Variants in TEK observed in about 807,000 individuals in gnomAD.
The protein encoded by TEK is angiopoietin-1 receptor.
A neutral mutation model predicts 131.8 loss-of-function variants in TEK; 43 were observed. That is an observed-to-expected ratio of 0.33 (90% confidence interval 0.26 to 0.42). The LOEUF (loss-of-function observed/expected upper bound fraction) is 0.42. Among genes scored for constraint, TEK ranks in the 10% least tolerant of loss-of-function variants. TEK has a pLI of 1.00. For synonymous variants in TEK, 580 were observed against 491.6 expected (o/e 1.18, Z -2.38); for missense variants, 1,162 against 1,384.4 (o/e 0.84, Z 2.55).
At chr9:27,229,057 G>A (rs181118242) in intron 22 of TEK, 101 bp from the exon 23 acceptor site, 2 of 953,328 alleles carry the variant, frequency 2.1e-6, no homozygotes, top group Non-Finnish European at 3.4e-6. Context: ...CTTAGTATAT[G>A]AGTTGCAACA....
At chr9:27,109,759 G>A in intron 1 of TEK, 117 bp downstream of exon 1, 2 of 979,974 alleles carry the variant, frequency 2.0e-6, no homozygotes, top group Admixed American at 2.0e-5. Context: ...TGTAGCAAAG[G>A]CACCATTTCT....
At chr9:27,189,182 A>G (rs777853642) in intron 9 of TEK, among the ~76,000 whole-genome samples, 1 of 152,300 alleles carries the variant, frequency 6.6e-6, no homozygotes, top group Admixed American at 6.5e-5. Flanking sequence ...TATAGAGCTC[A>G]TTGGAAATTC....
In TEK at chr9:27,197,616, G is replaced by A; in HGVS notation, c.1909+17G>A. The A allele has an allele frequency of 6.2e-7, 1 of 1,613,526 alleles. No individual in the cohort carries two copies. The highest frequency in any genetic ancestry group is 8.5e-7 in the Non-Finnish European group (1 of 1,179,834). Reference sequence around the variant, plus strand: ...TTAGTGACAGTAAGTAATTCATGCTGCTCCAGCCTCATCTGAGCAATAAGG... The same window carrying A: ...TTAGTGACAGTAAGTAATTCATGCTACTCCAGCCTCATCTGAGCAATAAGG... On this transcript the variant is annotated intron_variant, in intron 12 of 22. Transcript: ENST00000380036.
rs201671300 is a variant in TEK, at chr9:27,219,038, TTATTATA to T, written c.3103+227_3103+233del. On this transcript the variant is annotated intron_variant, in intron 20 of 22. Coordinates refer to ENST00000380036, the MANE Select transcript of TEK (RefSeq NM_000459.5). ...ACTAATGACCTGGAGGCCATGAACT[TTATTATA>T]TATTAATTGGCTCCGCTTGTACAAG... is the stretch of plus-strand genomic sequence containing the variant. 8.2e-3 allele frequency among the ~76,000 whole-genome samples: 1,255 copies of T among 152,284 alleles called. 7 individuals carry two copies. Among genetic ancestry groups the T allele is most frequent in the African/African-American group, 0.015 (619 of 41,558 alleles).
intron 1 of TEK, among the ~76,000 whole-genome samples, chr9:27,129,243 T>C (rs180785151): frequency 2.2e-3 from 336 of 152,336 alleles, no homozygotes; most frequent in African/African-American, 7.7e-3. Context: ...TCGTGGTTTT[T>C]GTCATTCTGT....
At chr9:27,195,823 C>T (rs534073887) in intron 11 of TEK, 9 of 404,856 alleles carry the variant, frequency 2.2e-5, no homozygotes, top group Admixed American at 1.2e-4. Flanking sequence ...TACAGGTGAA[C>T]TTGGAGAGAT....
chr9:27,186,943 T>C (rs1246021493), intron 9 of TEK, among the ~76,000 whole-genome samples: 2 of 152,148 alleles, frequency 1.3e-5, no homozygotes, highest in Non-Finnish European at 2.9e-5. Flanking sequence ...ATTATTACTT[T>C]TGGTTATAGG....
intron 16 of TEK, among the ~76,000 whole-genome samples, chr9:27,211,991 A>AT (rs1825649921): frequency 7.6e-6 from 1 of 131,508 alleles, no homozygotes; most frequent in African/African-American, 3.1e-5. Context: ...ATAACGTTTT[A>AT]TTAAAAAAAA....
chr9:27,118,279 AT>A (rs925284615), intron 1 of TEK, among the ~76,000 whole-genome samples: 1 of 152,064 alleles, frequency 6.6e-6, no homozygotes, highest in African/African-American at 2.4e-5. Context: ...AGGTATTATT[AT>A]TTTTTTAATA....
At chr9:27,117,728 TGGGGTTTGAA>T (rs1402347212) in intron 1 of TEK, among the ~76,000 whole-genome samples, 1 of 152,030 alleles carries the variant, frequency 6.6e-6, no homozygotes, top group Non-Finnish European at 1.5e-5. Flanking sequence ...CAGTCAGGCG[TGGGGTTTGAA>T]GGGCATCGTG....
chr9:27,136,312 A>G (rs1822433623), intron 1 of TEK, among the ~76,000 whole-genome samples: 1 of 151,858 alleles, frequency 6.6e-6, no homozygotes, highest in Non-Finnish European at 1.5e-5. Context: ...AAACACCTGA[A>G]CTCGTGATCC....
chr9:27,119,326 A>C (rs796185417), intron 1 of TEK, among the ~76,000 whole-genome samples: 15 of 152,364 alleles, frequency 9.8e-5, no homozygotes, highest in Admixed American at 3.3e-4. Context: ...CTTTTAAAAA[A>C]AATAACTTAA....
At chr9:27,110,222 T>C (rs1165622737) in intron 1 of TEK, among the ~76,000 whole-genome samples, 1 of 151,344 alleles carries the variant, frequency 6.6e-6, no homozygotes, top group African/African-American at 2.4e-5. Flanking sequence ...GCTATTAGAA[T>C]TTTTGTTTTA....
At chr9:27,215,946 G>C (rs1173203994) in intron 18 of TEK, among the ~76,000 whole-genome samples, 2 of 152,136 alleles carry the variant, frequency 1.3e-5, no homozygotes, top group Admixed American at 6.5e-5. Context: ...GAGGATGTGA[G>C]AATAAGTTGG....
intron 4 of TEK, among the ~76,000 whole-genome samples, chr9:27,170,070 C>G (rs568623247): frequency 9.2e-5 from 14 of 152,092 alleles, no homozygotes; most frequent in Admixed American, 9.2e-4. Flanking sequence ...GCAAACACAT[C>G]CTTCTTCACA....
Position 27,184,274 on chromosome 9 carries a change from C to T in TEK, c.1182+664C>T, listed in dbSNP as rs188117043. 7.9e-5 allele frequency among the ~76,000 whole-genome samples: 12 copies of T among 152,294 alleles called. No individual in the cohort carries two copies. The South Asian group carries it at 1.0e-3, about 13-fold the overall frequency. ...TGTTTAAAAGGATCAAGCTACTTTT[C>T]GAACATGCTTTCCTTCTCTCTCCCA... is the stretch of plus-strand genomic sequence containing the variant. On this transcript the variant is annotated intron_variant, in intron 8 of 22. Transcript: ENST00000380036.
chr9:27,136,199 A>G (rs1435028908), intron 1 of TEK, among the ~76,000 whole-genome samples: 1 of 151,082 alleles, frequency 6.6e-6, no homozygotes, highest in Non-Finnish European at 1.5e-5. Context: ...CTTCTGCCTC[A>G]GCCTCCCGAG....
At chr9:27,206,467 G>C (rs886867029) in intron 14 of TEK, 115 bp from the exon 15 acceptor site, 3 of 1,190,974 alleles carry the variant, frequency 2.5e-6, no homozygotes, top group African/African-American at 3.0e-5. Context: ...TTCCAGTCTA[G>C]AATTAAATAC....
At chr9:27,119,085 G>A (rs1564035123) in intron 1 of TEK, among the ~76,000 whole-genome samples, 1 of 152,150 alleles carries the variant, frequency 6.6e-6, no homozygotes, top group Non-Finnish European at 1.5e-5. Context: ...ATTTGTTTAA[G>A]CTATTTTGAG....
Sources: allele counts gnomAD v4.1 joint callset (sites outside exome capture counted in the v4.1 genomes callset), GRCh38; gene constraint gnomAD v4.1.1; transcripts MANE v1.5; gene names NCBI Gene and HGNC (gene_info 2026-07-23, HGNC 2026-07-21).